The following RAI14 variants were observed in gnomAD, a reference collection of about 807,000 sequenced individuals.
RAI14 encodes retinoic acid induced 14.
Under a neutral mutation model 115.4 loss-of-function variants are expected in RAI14, and 45 were observed. That is an observed-to-expected ratio of 0.39 (90% CI 0.31 to 0.50). RAI14 has a LOEUF of 0.50. RAI14 is among the 20% of genes least tolerant of loss of function. The pLI is 0.85. For missense variants in RAI14, 939 were observed against 1,131.2 expected (o/e 0.83, Z 2.44); for synonymous variants, 371 against 415.4 (o/e 0.89, Z 1.30).
intron 2 of RAI14, among the ~76,000 whole-genome samples, chr5:34,736,048 CGAT>C (rs1324475941): frequency 6.6e-6 from 1 of 152,204 alleles, no homozygotes; most frequent in East Asian, 1.9e-4. Context: ...CAGCAGGTCT[CGAT>C]AGGTGGTTTT....
rs537587112 is a variant in RAI14, at chr5:34,708,680, G to A, written c.36+21725G>A. ...GGGTATCTTTGCATTTATATATTTGGATGTTTTGCCAAGTTATAACAGTGA... is the reference window on the plus strand; with the variant it reads ...GGGTATCTTTGCATTTATATATTTGAATGTTTTGCCAAGTTATAACAGTGA... On this transcript the variant is annotated intron_variant, in intron 2 of 17. Coordinates refer to ENST00000265109, the MANE Select transcript of RAI14 (RefSeq NM_015577.3). Among the ~76,000 whole-genome samples the A allele has an allele frequency of 4.1e-4, 63 of 152,228 alleles. 1 individual carries two copies. In the South Asian group the frequency reaches 0.012, roughly 29 times the overall value.
chr5:34,810,966 G>A, intron 7 of RAI14, 46 bp from the exon 8 acceptor site: 1 of 1,607,068 alleles, frequency 6.2e-7, no homozygotes, highest in Non-Finnish European at 8.5e-7. Flanking sequence ...TGCAATTCTG[G>A]CATTTTGTGC....
At chr5:34,757,643 TG>T in intron 3 of RAI14, 45 bp downstream of exon 3, 2 of 1,558,416 alleles carry the variant, frequency 1.3e-6, no homozygotes, top group Non-Finnish European at 8.7e-7. Flanking sequence ...TCTGGGTTTT[TG>T]GGGTGTTCTC....
chr5:34,779,709 G>T (rs888222063), intron 3 of RAI14, among the ~76,000 whole-genome samples: 2 of 152,150 alleles, frequency 1.3e-5, no homozygotes, highest in African/African-American at 4.8e-5. Flanking sequence ...ACTACTCAAC[G>T]AAATAAAAGA....
At chr5:34,656,597 A>C (rs1742278316) in intron 1 of RAI14, 122 bp downstream of exon 1, 1 of 152,286 alleles carries the variant, frequency 6.6e-6, no homozygotes, top group African/African-American at 2.4e-5. Context: ...GGAGCGGCTG[A>C]GCGGGCTGCA....
rs532526580 is a variant in RAI14 at position 34,684,324 on chromosome 5, A to G, written c.-48-2548A>G. On this transcript the variant is annotated intron_variant, in intron 1 of 17. Coordinates refer to ENST00000265109, the MANE Select transcript of RAI14 (RefSeq NM_015577.3). ...CCTTGAGATTCAGTTTTAATAGGAC[A>G]GGGGCTAAAAGATTGCATTTAGTCC... 3.9e-5 allele frequency among the ~76,000 whole-genome samples: 6 copies of G among 152,310 alleles called. No individual in the cohort carries two copies. In the South Asian group the frequency reaches 6.2e-4, roughly 16 times the overall value.
In RAI14 at chr5:34,755,159, C is replaced by T. The variant is rs879781781; in HGVS notation, c.37-2309C>T. Among the ~76,000 whole-genome samples the T allele has an allele frequency of 6.3e-3, 962 of 152,214 alleles. 5 individuals carry two copies. Among genetic ancestry groups the T allele is most frequent in the Non-Finnish European group, 0.01 (703 of 68,014 alleles). On this transcript the variant is annotated intron_variant, in intron 2 of 17. Coordinates refer to ENST00000265109, the MANE Select transcript of RAI14 (RefSeq NM_015577.3). ...TGCACTGTGTTTCTTGGGGCTTGATCATTTGCTGTAGTTGTTTGTACAGTT... is the reference window on the plus strand; with the variant it reads ...TGCACTGTGTTTCTTGGGGCTTGATTATTTGCTGTAGTTGTTTGTACAGTT...
intron 7 of RAI14, among the ~76,000 whole-genome samples, chr5:34,809,971 A>C (rs781134963): frequency 1.3e-5 from 2 of 152,164 alleles, no homozygotes; most frequent in Non-Finnish European, 2.9e-5. Flanking sequence ...ACATGCATAC[A>C]CTTATATTTG....
At position 34,824,346 on chromosome 5, in the gene RAI14, A is replaced by T; in HGVS notation, c.2504A>T (p.Lys835Met). 6.2e-7 allele frequency: 1 copy of T among 1,613,930 alleles called. No homozygotes were observed. The highest frequency in any genetic ancestry group is 8.5e-7 in the Non-Finnish European group (1 of 1,179,796). ...GAGGTCTCACAGGTGAAAAGAGAAA[A>T]GGAAAATATTCAGACTCTCTTGAAA... ...RSEVSQVKRE[K>M]ENIQTLLKSK... The change falls in exon 15 of 18, where the codon AAG becomes ATG. Residue 835 changes from lysine to methionine, a missense_variant. Lys to Met is a moderately conservative substitution (Grantham distance 95). Coordinates refer to ENST00000265109, the MANE Select transcript of RAI14 (RefSeq NM_015577.3).
intron 4 of RAI14, among the ~76,000 whole-genome samples, chr5:34,797,838 A>C (rs13155753): frequency 6.6e-6 from 1 of 151,970 alleles, no homozygotes; most frequent in Non-Finnish European, 1.5e-5. Context: ...AAGTAGGAGA[A>C]GTTTCCCTCT....
intron 2 of RAI14, among the ~76,000 whole-genome samples, chr5:34,728,085 TC>T (rs1743698441): frequency 6.6e-6 from 1 of 152,142 alleles, no homozygotes; most frequent in Non-Finnish European, 1.5e-5. Flanking sequence ...AAGATTTGGC[TC>T]CCCCTCTGGA....
At chr5:34,750,238 A>G (rs1051408666) in intron 2 of RAI14, among the ~76,000 whole-genome samples, 3 of 152,144 alleles carry the variant, frequency 2.0e-5, no homozygotes, top group African/African-American at 7.2e-5. Context: ...TGGAACTGGA[A>G]TTTCAACTCA....
At chr5:34,718,772 A>T (rs535310797) in intron 2 of RAI14, among the ~76,000 whole-genome samples, 1 of 152,298 alleles carries the variant, frequency 6.6e-6, no homozygotes, top group East Asian at 1.9e-4. Flanking sequence ...TAAAATGGAG[A>T]TCAGTTCCTA....
chr5:34,750,496 C>T (rs1448372261), intron 2 of RAI14, among the ~76,000 whole-genome samples: 1 of 152,004 alleles, frequency 6.6e-6, no homozygotes, highest in Non-Finnish European at 1.5e-5. Context: ...GACGAGGAAA[C>T]AGCAAGTGAG....
intron 2 of RAI14, among the ~76,000 whole-genome samples, chr5:34,711,114 T>A (rs72730540): frequency 0.037 from 5,595 of 152,152 alleles, 129 homozygotes; most frequent in South Asian, 0.077. Flanking sequence ...TGGGAAGTGA[T>A]TAGGTCATAG....
intron 1 of RAI14, among the ~76,000 whole-genome samples, chr5:34,682,384 G>GT (rs897205491): frequency 0.047 from 6,843 of 146,640 alleles, 484 homozygotes; most frequent in African/African-American, 0.15. Flanking sequence ...CATTGTAAGG[G>GT]TTTTTTTTTT....
At chr5:34,757,279 T>C (rs764954926) in intron 2 of RAI14, 189 bp from the exon 3 acceptor site, 1 of 673,058 alleles carries the variant, frequency 1.5e-6, no homozygotes, top group Non-Finnish European at 2.7e-6. Flanking sequence ...ATTTATGTTT[T>C]CTTTTGGGAA....
intron 5 of RAI14, among the ~76,000 whole-genome samples, chr5:34,807,495 G>A (rs1218789685): frequency 6.6e-6 from 1 of 152,002 alleles, no homozygotes; most frequent in African/African-American, 2.4e-5. Flanking sequence ...CAGGAGATGG[G>A]GGAAAAGAAA....
At chr5:34,787,177 T>TGG (rs1580259392) in intron 3 of RAI14, among the ~76,000 whole-genome samples, 2 of 152,194 alleles carry the variant, frequency 1.3e-5, no homozygotes, top group East Asian at 1.9e-4. Context: ...AGAGATTTTA[T>TGG]CAGTTTTGGG....
Sources: allele counts gnomAD v4.1 joint callset (sites outside exome capture counted in the v4.1 genomes callset), GRCh38; gene constraint gnomAD v4.1.1; transcripts MANE v1.5; gene names NCBI Gene and HGNC (gene_info 2026-07-23, HGNC 2026-07-21).